DDX10: variants seen among roughly 807,000 people sequenced by gnomAD.
DDX10 encodes probable ATP-dependent RNA helicase DDX10.
In DDX10, 74 loss-of-function variants were observed where a neutral mutation model predicts 104.3. The ratio of observed to expected loss-of-function variants is 0.71; its 90% CI spans 0.59 to 0.86. The LOEUF (loss-of-function observed/expected upper bound fraction) is 0.86, where lower values mean the gene tolerates loss of function less well. DDX10 is among the 40% of genes least tolerant of loss of function. The probability of loss-of-function intolerance (pLI) is 0.00; values close to 1 mark genes in which losing one functional copy is unlikely to be tolerated. For synonymous variants in DDX10, 351 were observed against 353.4 expected (o/e 0.99, Z 0.08); for missense variants, 952 against 1,040.0 (o/e 0.92, Z 1.16).
At chr11:108,713,014 T>C (rs998928510) in intron 10 of DDX10, among the ~76,000 whole-genome samples, 17 of 152,298 alleles carry the variant, frequency 1.1e-4, no homozygotes, top group African/African-American at 4.1e-4. Context: ...TTGCATGGTG[T>C]CTGAGAAATC....
At chr11:108,939,203 G>A (rs2134681804) in intron 17 of DDX10, among the ~76,000 whole-genome samples, 1 of 152,296 alleles carries the variant, frequency 6.6e-6, no homozygotes, top group East Asian at 1.9e-4. Context: ...TCAAACCAGT[G>A]CTCTTTCCAC....
At chr11:108,785,402 A>ATTG (rs71476029) in intron 13 of DDX10, among the ~76,000 whole-genome samples, 3 of 146,150 alleles carry the variant, frequency 2.1e-5, no homozygotes, top group East Asian at 1.9e-4. Flanking sequence ...TGTTGTTGTT[A>ATTG]TTGTTGTTGT....
At position 108,679,505 on chromosome 11, in the gene DDX10, C is replaced by T. The variant is rs757346753; in HGVS notation, c.793C>T (p.Arg265Cys). The T allele has an allele frequency of 1.4e-5, 23 of 1,612,962 alleles. 1 individual carries two copies. The highest frequency in any genetic ancestry group is 4.5e-5 in the East Asian group (2 of 44,866). Reference protein sequence around the residue: ...TQTKSVKDLARLSLKNPEYVW... With the variant: ...TQTKSVKDLACLSLKNPEYVW... Reference sequence around the variant, plus strand: ...AACTAAATCTGTAAAGGACCTTGCACGCTTGAGTTTGAAAAACCCTGAGTA... The same window carrying T: ...AACTAAATCTGTAAAGGACCTTGCATGCTTGAGTTTGAAAAACCCTGAGTA... Residue 265 changes from arginine (R) to cysteine (C), a missense_variant, in exon 6 of 18, where the codon CGC becomes TGC. Physicochemically the swap from Arg to Cys is radical, Grantham distance 180 (BLOSUM62 -3). Around this residue, in one of 3 missense-constraint regions of DDX10, gnomAD observed 412 missense variants for 479.2 expected, o/e 0.86. Coordinates refer to ENST00000322536, the MANE Select transcript of DDX10 (RefSeq NM_004398.4).
At chr11:108,918,054 G>A in intron 17 of DDX10, 36 bp downstream of exon 17, 1 of 1,580,746 alleles carries the variant, frequency 6.3e-7, no homozygotes, top group Non-Finnish European at 8.7e-7. Flanking sequence ...TACATACTTA[G>A]TACTCTCACA....
At chr11:108,867,559 A>G (rs1326204380) in intron 16 of DDX10, among the ~76,000 whole-genome samples, 2 of 152,200 alleles carry the variant, frequency 1.3e-5, no homozygotes, top group Non-Finnish European at 2.9e-5. Flanking sequence ...TCAACATAGA[A>G]GTCATGACAC....
At chr11:108,858,831 G>C (rs1181641819) in intron 16 of DDX10, among the ~76,000 whole-genome samples, 1 of 152,148 alleles carries the variant, frequency 6.6e-6, no homozygotes, top group African/African-American at 2.4e-5. Flanking sequence ...GTATGGTACT[G>C]TATGGGTGGT....
At chr11:108,863,810 G>A (rs1394459425) in intron 16 of DDX10, among the ~76,000 whole-genome samples, 1 of 147,852 alleles carries the variant, frequency 6.8e-6, no homozygotes, top group African/African-American at 2.5e-5. Flanking sequence ...AAGCAAAAGA[G>A]AAAAATGAGA....
At chr11:108,773,475 A>G (rs1323733744) in intron 13 of DDX10, among the ~76,000 whole-genome samples, 3 of 152,208 alleles carry the variant, frequency 2.0e-5, no homozygotes, top group Non-Finnish European at 2.9e-5. Context: ...TTATTGTTCT[A>G]TTCTTCTACC....
chr11:108,689,225 A>G (rs903222116), intron 7 of DDX10, among the ~76,000 whole-genome samples, 163 bp downstream of exon 7: 2 of 152,144 alleles, frequency 1.3e-5, no homozygotes, highest in African/African-American at 2.4e-5. Flanking sequence ...GAGACTTTCA[A>G]CTCCACAAGG....
chr11:108,878,307 T>C (rs968624559), intron 16 of DDX10, among the ~76,000 whole-genome samples: 1 of 152,230 alleles, frequency 6.6e-6, no homozygotes, highest in African/African-American at 2.4e-5. Context: ...TATCCTCTTG[T>C]GAAGAACGAG....
chr11:108,895,242 T>G (rs1257833534), intron 16 of DDX10, among the ~76,000 whole-genome samples: 1 of 151,906 alleles, frequency 6.6e-6, no homozygotes, highest in Non-Finnish European at 1.5e-5. Context: ...GCATTACATA[T>G]CATCACTGAA....
intron 13 of DDX10, among the ~76,000 whole-genome samples, chr11:108,793,598 G>A (rs776851877): frequency 1.2e-4 from 19 of 152,098 alleles, no homozygotes; most frequent in Non-Finnish European, 1.6e-4. Flanking sequence ...ATTTCCAACT[G>A]TGAATTGCTT....
intron 16 of DDX10, among the ~76,000 whole-genome samples, chr11:108,881,875 A>G (rs1591108741): frequency 6.6e-6 from 1 of 152,158 alleles, no homozygotes; most frequent in African/African-American, 2.4e-5. Flanking sequence ...TAAATAGTCT[A>G]TATAGAGTTC....
At position 108,806,697 on chromosome 11, in the gene DDX10, G is replaced by A. The variant is rs554744285; in HGVS notation, c.1966-31749G>A. Among the ~76,000 whole-genome samples, 9 of 152,294 alleles carry A rather than the reference G, an allele frequency of 5.9e-5. No homozygotes were observed. In the South Asian group the frequency reaches 6.2e-4, roughly 11 times the overall value. On this transcript the variant is annotated intron_variant, in intron 13 of 17. Coordinates refer to ENST00000322536, the MANE Select transcript of DDX10 (RefSeq NM_004398.4). The stretch of plus-strand genomic sequence containing the variant: ...AGCAAGGGCCTCTCTCAGAGGGCGC[G>A]TTGGATCTGAGGCCTGAAGACTGGG...
intron 3 of DDX10, among the ~76,000 whole-genome samples, chr11:108,676,250 G>A (rs535519018): frequency 6.5e-4 from 99 of 152,138 alleles, no homozygotes; most frequent in African/African-American, 2.3e-3. Flanking sequence ...TCTCTGTTAC[G>A]TTGGTCTCCT....
At chr11:108,757,502 A>G (rs1260842566) in intron 13 of DDX10, among the ~76,000 whole-genome samples, 1 of 152,106 alleles carries the variant, frequency 6.6e-6, no homozygotes, top group Non-Finnish European at 1.5e-5. Flanking sequence ...CAATAGCTAG[A>G]AGCACTGTGG....
intron 13 of DDX10, among the ~76,000 whole-genome samples, chr11:108,740,347 G>A (rs560976918): frequency 1.3e-5 from 2 of 152,168 alleles, no homozygotes; most frequent in African/African-American, 2.4e-5. Context: ...ATAGTATTCC[G>A]ATGTGTGTAC....
chr11:108,863,332 G>A (rs543497952), intron 16 of DDX10, among the ~76,000 whole-genome samples: 31 of 152,206 alleles, frequency 2.0e-4, no homozygotes, highest in African/African-American at 6.5e-4. Context: ...TGGTATATAC[G>A]TGATCTAAAA....
chr11:108,933,944 T>G (rs1458750928), intron 17 of DDX10, among the ~76,000 whole-genome samples: 1 of 152,036 alleles, frequency 6.6e-6, no homozygotes, highest in Non-Finnish European at 1.5e-5. Context: ...CAAGGCAGTG[T>G]GGCTGCACAG....
Sources: gnomAD v4.1 joint callset for allele counts (sites outside exome capture counted in the v4.1 genomes callset) on GRCh38, gnomAD v4.1.1 for gene constraint, gnomAD v4.1.1 regional missense constraint, MANE v1.5 for transcripts, NCBI Gene and HGNC (gene_info 2026-07-23, HGNC 2026-07-21) for gene names.